Variants in SHPK observed in about 807,000 individuals in gnomAD.
The protein encoded by SHPK is sedoheptulokinase.
A neutral mutation model predicts 46.3 loss-of-function variants in SHPK; 51 were observed. The observed-to-expected ratio is 1.10, with a 90% CI of 0.88 to 1.39. SHPK has a LOEUF of 1.39. Ranked by LOEUF, SHPK falls within the 40% of genes most tolerant of loss-of-function variation. SHPK has a pLI of 0.00. For missense variants in SHPK, 668 were observed against 641.3 expected (o/e 1.04, Z -0.45); for synonymous variants, 290 against 273.9 (o/e 1.06, Z -0.58).
intron 6 of SHPK, among the ~76,000 whole-genome samples, chr17:3,612,676 A>G (rs183232821): frequency 4.6e-3 from 694 of 151,646 alleles, no homozygotes; most frequent in Non-Finnish European, 5.2e-3. Flanking sequence ...CACGCTGGGG[A>G]GCCCCCGACC....
chr17:3,623,777 T>A (rs161369), intron 3 of SHPK, among the ~76,000 whole-genome samples: 2 of 152,018 alleles, frequency 1.3e-5, no homozygotes, highest in African/African-American at 4.8e-5. Context: ...CTGAACACAC[T>A]GCGAACTCTC....
intron 6 of SHPK, among the ~76,000 whole-genome samples, chr17:3,613,408 G>GC (rs1443990678): frequency 1.3e-5 from 2 of 152,124 alleles, no homozygotes; most frequent in African/African-American, 4.8e-5. Context: ...TTTAACCTCT[G>GC]CAAATGCACA....
chr17:3,618,251 G>A (rs2075379466), intron 5 of SHPK, among the ~76,000 whole-genome samples: 1 of 151,858 alleles, frequency 6.6e-6, no homozygotes, highest in Admixed American at 6.6e-5. Context: ...GATTACAGGT[G>A]CCCACCACCA....
At chr17:3,628,656 C>T (rs1414757238) in intron 2 of SHPK, among the ~76,000 whole-genome samples, 4 of 151,338 alleles carry the variant, frequency 2.6e-5, no homozygotes, top group Non-Finnish European at 5.9e-5. Context: ...TTGTTGTTGT[C>T]GTTGCTTTCT....
intron 6 of SHPK, among the ~76,000 whole-genome samples, chr17:3,614,860 AAAG>A (rs1555553786): frequency 1.1e-3 from 167 of 147,306 alleles, no homozygotes; most frequent in African/African-American, 3.0e-3. Context: ...AAAAAAAAAA[AAAG>A]AAGAAGAAGA....
chr17:3,613,041 C>T (rs187886986), intron 6 of SHPK, among the ~76,000 whole-genome samples: 6 of 152,234 alleles, frequency 3.9e-5, no homozygotes, highest in African/African-American at 9.6e-5. Context: ...TGAGCCACCA[C>T]GCCCAGCCAG....
At chr17:3,618,807 TGACA>T (rs2075382649) in intron 5 of SHPK, among the ~76,000 whole-genome samples, 2 of 152,162 alleles carry the variant, frequency 1.3e-5, no homozygotes, top group African/African-American at 4.8e-5. Flanking sequence ...ATTCATTAGT[TGACA>T]GACATTTAGA....
intron 1 of SHPK, among the ~76,000 whole-genome samples, chr17:3,633,710 G>A (rs1355831604): frequency 2.0e-5 from 3 of 152,196 alleles, no homozygotes; most frequent in Non-Finnish European, 4.4e-5. Flanking sequence ...CCGTGCTGCC[G>A]CCCCTACTGG....
intron 1 of SHPK, among the ~76,000 whole-genome samples, chr17:3,634,776 A>G (rs2075497341): frequency 6.6e-6 from 1 of 152,048 alleles, no homozygotes; most frequent in Non-Finnish European, 1.5e-5. Context: ...TTCTATGTAG[A>G]TACAAAGTGC....
At chr17:3,621,008 C>A (rs1299703633) in intron 5 of SHPK, among the ~76,000 whole-genome samples, 1 of 152,214 alleles carries the variant, frequency 6.6e-6, no homozygotes, top group Non-Finnish European at 1.5e-5. Flanking sequence ...AGGTGGTCAG[C>A]ACAGATGGTT....
intron 5 of SHPK, among the ~76,000 whole-genome samples, chr17:3,620,070 G>C (rs954267739): frequency 2.0e-5 from 3 of 152,054 alleles, no homozygotes; most frequent in African/African-American, 7.2e-5. Context: ...TTTACATATC[G>C]TCTATGGCTG....
chr17:3,622,646 T>A, intron 4 of SHPK: 1 of 958,504 alleles, frequency 1.0e-6, no homozygotes, highest in East Asian at 1.2e-4. Flanking sequence ...AAAAGGCAAA[T>A]GATTGTTCAA....
chr17:3,628,326 CT>C (rs145231493), intron 2 of SHPK, among the ~76,000 whole-genome samples: 30,793 of 144,608 alleles, frequency 0.21, 3,714 homozygotes, highest in Non-Finnish European at 0.29. Flanking sequence ...TTCATAATTT[CT>C]TTTTTTTTTT....
intron 1 of SHPK, among the ~76,000 whole-genome samples, chr17:3,634,481 A>G (rs1423584364): frequency 6.6e-6 from 1 of 151,680 alleles, no homozygotes; most frequent in Non-Finnish European, 1.5e-5. Context: ...CTGAGGCACG[A>G]AAATCACTTG....
rs778474514 is a variant in SHPK at position 3,610,954 on chromosome 17, G to T, written c.1043C>A (p.Ser348Tyr). ...CTGAATCATGCGTGAATACACAGTGGATTCTTCAACCTCCAGGCCTGCCAG... is the reference window on the plus strand; with the variant it reads ...CTGAATCATGCGTGAATACACAGTGTATTCTTCAACCTCCAGGCCTGCCAG... ...MADLGLEVEESTVYSRMIQAA... is the reference protein window; with the variant it reads ...MADLGLEVEEYTVYSRMIQAA... Residue 348 changes from serine to tyrosine, a missense_variant, in exon 7 of 7, where the codon TCC becomes TAC. By Grantham distance (144) the Ser-to-Tyr change is moderately radical. Coordinates refer to ENST00000225519, the MANE Select transcript of SHPK (RefSeq NM_013276.4). 8 of 1,607,302 alleles carry T rather than the reference G, an allele frequency of 5.0e-6. No individual in the cohort carries two copies. In the South Asian group the frequency reaches 6.6e-5, roughly 13 times the overall value.
intron 5 of SHPK, among the ~76,000 whole-genome samples, chr17:3,615,883 C>T (rs1314252546): frequency 7.2e-6 from 1 of 139,380 alleles, no homozygotes; most frequent in Non-Finnish European, 1.5e-5. Context: ...GAGACAGAGT[C>T]TCGCTCTGTC....
chr17:3,615,850 A>ATT (rs201449504), intron 5 of SHPK, among the ~76,000 whole-genome samples: 9 of 107,602 alleles, frequency 8.4e-5, no homozygotes, highest in African/African-American at 1.2e-4. Context: ...GATCAAAGGA[A>ATT]TTTTTTTTTT....
Position 3,610,502 on chromosome 17 carries a change from G to C in SHPK, c.*58C>G, listed in dbSNP as rs763560942. On this transcript the variant is annotated 3_prime_UTR_variant, in exon 7 of 7. Transcript: ENST00000225519. Reference sequence around the variant, plus strand: ...AGGGAAAGGATGACCCACAGATGGTGTCAGGAATGTTAATCAGGTAAAATT... The same window carrying C: ...AGGGAAAGGATGACCCACAGATGGTCTCAGGAATGTTAATCAGGTAAAATT... The C allele has an allele frequency of 9.1e-5, 137 of 1,509,998 alleles. No homozygotes were observed. The highest frequency in any genetic ancestry group is 1.1e-4 in the Non-Finnish European group (127 of 1,112,606). 93.5% of individuals were successfully genotyped at this position (1,509,998 alleles called of 1,614,324 possible).
intron 5 of SHPK, among the ~76,000 whole-genome samples, chr17:3,620,257 C>T (rs1051166197): frequency 6.6e-6 from 1 of 151,916 alleles, no homozygotes; most frequent in Non-Finnish European, 1.5e-5. Flanking sequence ...AGAAAATATT[C>T]TACACTTCTT....
Sources: allele counts gnomAD v4.1 joint callset (sites outside exome capture counted in the v4.1 genomes callset), GRCh38; gene constraint gnomAD v4.1.1; transcripts MANE v1.5; gene names NCBI Gene and HGNC (gene_info 2026-07-23, HGNC 2026-07-21).